The following TRO variants were observed in gnomAD, a reference collection of about 807,000 sequenced individuals.
TRO encodes the protein trophinin.
Under a neutral mutation model 42.3 loss-of-function variants are expected in TRO, and 29 were observed. The ratio of observed to expected loss-of-function variants is 0.68; its 90% CI spans 0.51 to 0.93. The LOEUF is 0.93. Among genes scored for constraint, TRO ranks in the 40% least tolerant of loss-of-function variants. The pLI, the probability that TRO is intolerant of heterozygous loss-of-function variation, is 0.00. For missense variants in TRO, 963 were observed against 1,127.7 expected (o/e 0.85, Z 2.09); for synonymous variants, 384 against 425.2 (o/e 0.90, Z 1.19).
In TRO at chrX:54,923,347, C is replaced by T; in HGVS notation, c.815C>T (p.Thr272Ile). 1.7e-6 allele frequency: 2 copies of T among 1,209,420 alleles called. No homozygotes were observed. The highest frequency in any genetic ancestry group is 2.2e-6 in the Non-Finnish European group (2 of 894,261). ...ATTGCTAAGGTCATAAATACTGACA[C>T]TGAGCATATAGAGGCTCTAAATGTC... ...KTIAKVINTD[T>I]EHIEALNVTD... The change falls in exon 3 of 13, where the codon ACT becomes ATT. Residue 272 changes from threonine (T) to isoleucine (I), a missense_variant. Around this residue, in one of 2 missense-constraint regions of TRO, gnomAD observed 322 missense variants for 316.5 expected, o/e 1.02. Transcript: ENST00000173898.
rs1458219361 is a variant in TRO at position 54,924,723 on chromosome X, C to T, written c.1395C>T (p.Ile465=). The T allele has an allele frequency of 8.3e-7, 1 of 1,209,878 alleles. No homozygotes were observed. Among genetic ancestry groups the T allele is most frequent in the Non-Finnish European group, 1.1e-6 (1 of 894,850 alleles). ...TTAAGGACCAGACAAAGATCCCCAT[C>T]AAACGCTCAGGTAGTGTCCTACCAA... The part of the protein sequence containing the change: ...LLVKDQTKIP[I]KRSDMLRDVI... Residue 465 remains isoleucine, a synonymous_variant, in exon 5 of 13, where the codon ATC becomes ATT. Transcript: ENST00000173898.
chrX:54,921,943 ATGGGGGG>A (rs1932118027), intron 1 of TRO: 2 of 222,443 alleles, frequency 9.0e-6, no homozygotes, highest in Non-Finnish European at 1.5e-5. Context: ...TGGGCCTAAG[ATGGGGGG>A]TGGGGGCGCC....
In TRO at chrX:54,929,510, T is replaced by G. The variant is rs1932918972; in HGVS notation, c.2786T>G (p.Phe929Cys). Residue 929 changes from phenylalanine (F) to cysteine (C), a missense_variant, in exon 12 of 13, where the codon TTT becomes TGT. Physicochemically the swap from Phe to Cys is radical, Grantham distance 205. Around this residue, in one of 2 missense-constraint regions of TRO, gnomAD observed 641 missense variants for 811.3 expected, o/e 0.79. Coordinates refer to ENST00000173898, the MANE Select transcript of TRO (RefSeq NM_001039705.3). ...GGCTCTCCCTGCACCAGCACTGGCTTTGGAGGCACACTTAGCACCAGTGTC... is the reference window on the plus strand; with the variant it reads ...GGCTCTCCCTGCACCAGCACTGGCTGTGGAGGCACACTTAGCACCAGTGTC... ...FGGSPCTSTG[F>C]GGTLSTSVSF... 8.3e-7 allele frequency: 1 copy of G among 1,210,685 alleles called. No individual in the cohort carries two copies. Among genetic ancestry groups the G allele is most frequent in the African/African-American group, 1.7e-5 (1 of 57,339 alleles).
At chrX:54,931,135 G>A (rs1938492332) in intron 12 of TRO, 69 bp from the exon 13 acceptor site, 2 of 1,196,601 alleles carry the variant, frequency 1.7e-6, no homozygotes, top group Non-Finnish European at 2.3e-6. Context: ...AAAGGTGAGG[G>A]CAATTAAGGA....
In TRO at chrX:54,922,719, G is replaced by A; in HGVS notation, c.187G>A (p.Val63Ile). ...CTCCCTGGCCATGGACCCACCAGTT[G>A]TCAACCGGCCTAAGAAAAGCAAGAC... ...KDSLAMDPPVVNRPKKSKTKK... is the reference protein window; with the variant it reads ...KDSLAMDPPVINRPKKSKTKK... Residue 63 changes from valine to isoleucine, a missense_variant, in exon 3 of 13, where the codon GTC becomes ATC. Val to Ile is a conservative substitution (Grantham distance 29). Transcript: ENST00000173898. 8.3e-7 allele frequency: 1 copy of A among 1,209,823 alleles called. No individual in the cohort carries two copies. The highest frequency in any genetic ancestry group is 1.1e-6 in the Non-Finnish European group (1 of 894,438).
At chrX:54,921,964 AGTC>A (rs1250906597) in intron 1 of TRO, 4 of 270,581 alleles carry the variant, frequency 1.5e-5, no homozygotes, top group African/African-American at 9.6e-5. Flanking sequence ...GGGCGCCTCT[AGTC>A]GGTGCGCATG....
Position 54,930,527 on chromosome X carries a change from G to A in TRO, c.3803G>A (p.Gly1268Asp), listed in dbSNP as rs775335324. Residue 1268 changes from glycine to aspartate, a missense_variant, in exon 12 of 13, where the codon GGC (glycine) becomes GAC (aspartate). Transcript: ENST00000173898. ...GFGGGLGTSA[G>D]FSGGLGTSAG... ...GGTGGTGGACTGGGCACCAGTGCTGGCTTCAGTGGCGGACTGGGCACCAGT... is the reference window on the plus strand; with the variant it reads ...GGTGGTGGACTGGGCACCAGTGCTGACTTCAGTGGCGGACTGGGCACCAGT... The A allele has an allele frequency of 2.5e-6, 3 of 1,210,450 alleles. No homozygotes were observed. The highest frequency in any genetic ancestry group is 1.7e-5 in the African/African-American group (1 of 57,328).
chrX:54,929,307 T>C lies in TRO; in HGVS notation c.2583T>C (p.Gly861=). 1 of 1,211,477 alleles carries C rather than the reference T, an allele frequency of 8.3e-7. No homozygotes were observed. Among genetic ancestry groups the C allele is most frequent in the Non-Finnish European group, 1.1e-6 (1 of 895,328 alleles). Residue 861 remains glycine, a synonymous_variant, in exon 12 of 13, where the codon GGT becomes GGC. Transcript: ENST00000173898. ...TCAGCACCACGGCTGGCTTTAGTGG[T>C]GTACTCAGCACTAGCACCAGCTTTG... ...GTLSTTAGFS[G]VLSTSTSFGS... is the part of the protein sequence containing the mutation.
chrX:54,931,382 G>A lies in TRO; in HGVS notation c.*190G>A. ...GTTCCTGCTTTATTGTTTGCTTTCTGTGTGCTGTCATATTTTGGTATCAGA... is the reference window on the plus strand; with the variant it reads ...GTTCCTGCTTTATTGTTTGCTTTCTATGTGCTGTCATATTTTGGTATCAGA... On this transcript the variant is annotated 3_prime_UTR_variant, in exon 13 of 13. Coordinates refer to ENST00000173898, the MANE Select transcript of TRO (RefSeq NM_001039705.3). 3 of 1,170,373 alleles carry A rather than the reference G, an allele frequency of 2.6e-6. No homozygotes were observed. The highest frequency in any genetic ancestry group is 3.5e-6 in the Non-Finnish European group (3 of 861,141).
chrX:54,924,589 C>A, intron 4 of TRO, 34 bp downstream of exon 4: 2 of 1,198,344 alleles, frequency 1.7e-6, no homozygotes, highest in Non-Finnish European at 2.3e-6. Context: ...CTCTTCTCTT[C>A]TTCACTTGCC....
At position 54,925,625 on chromosome X, in the gene TRO, C is replaced by G; in HGVS notation, c.1519C>G (p.Gln507Glu). 4 of 1,210,645 alleles carry G rather than the reference C, an allele frequency of 3.3e-6. No individual in the cohort carries two copies. The Middle Eastern group carries it at 6.9e-4, about 209-fold the overall frequency. ...FRVNLKEIDKQSSLYILISTQ... is the reference protein window; with the variant it reads ...FRVNLKEIDKESSLYILISTQ... ...AGTCAATCTGAAAGAAATTGATAAGCAAAGTAGCTTGTATATTCTCATCAG... is the reference window on the plus strand; with the variant it reads ...AGTCAATCTGAAAGAAATTGATAAGGAAAGTAGCTTGTATATTCTCATCAG... Residue 507 changes from glutamine (Q) to glutamate (E), a missense_variant, in exon 7 of 13, where the codon CAA becomes GAA. Physicochemically the swap from Gln to Glu is conservative, Grantham distance 29. Around this residue, in one of 2 missense-constraint regions of TRO, gnomAD observed 641 missense variants for 811.3 expected, o/e 0.79. Coordinates refer to ENST00000173898, the MANE Select transcript of TRO (RefSeq NM_001039705.3).
chrX:54,929,123 G>A lies in TRO; in HGVS notation c.2399G>A (p.Ser800Asn), dbSNP rs1309197634. Reference protein sequence around the residue: ...AASISFGCAHSTSTSFSSEAS... With the variant: ...AASISFGCAHNTSTSFSSEAS... ...AGCATTAGCTTTGGTTGTGCACACA[G>A]CACCAGCACTAGTTTCAGCAGTGAA... The change falls in exon 12 of 13, where the codon AGC becomes AAC. Residue 800 changes from serine (S) to asparagine (N), a missense_variant. Coordinates refer to ENST00000173898, the MANE Select transcript of TRO (RefSeq NM_001039705.3). 17 of 1,212,450 alleles carry A rather than the reference G, an allele frequency of 1.4e-5. No homozygotes were observed. The highest frequency in any genetic ancestry group is 1.7e-5 in the African/African-American group (1 of 58,007).
rs773801398 is a variant in TRO, at chrX:54,929,374, A to G, written c.2650A>G (p.Ser884Gly). Residue 884 changes from serine to glycine, a missense_variant, in exon 12 of 13, where the codon AGC (serine) becomes GGC (glycine). Ser to Gly is a moderately conservative substitution (Grantham distance 56). Around this residue, in one of 2 missense-constraint regions of TRO, gnomAD observed 641 missense variants for 811.3 expected, o/e 0.79. Coordinates refer to ENST00000173898, the MANE Select transcript of TRO (RefSeq NM_001039705.3). ...TTSTVFSSALSTSTGFGGILS... is the reference protein window; with the variant it reads ...TTSTVFSSALGTSTGFGGILS... Reference sequence around the variant, plus strand: ...GAGCACAGTCTTCAGTAGTGCGCTTAGCACCAGCACTGGCTTTGGAGGCAT... The same window carrying G: ...GAGCACAGTCTTCAGTAGTGCGCTTGGCACCAGCACTGGCTTTGGAGGCAT... The G allele has an allele frequency of 9.1e-6, 11 of 1,210,979 alleles. No individual in the cohort carries two copies. In the South Asian group the frequency reaches 1.1e-4, roughly 12 times the overall value.
At chrX:54,926,955 A>G (rs1352824777) in intron 9 of TRO, 88 bp from the exon 10 acceptor site, 1 of 1,047,390 alleles carries the variant, frequency 9.5e-7, no homozygotes, top group South Asian at 2.0e-5. Flanking sequence ...CCCATGTGCT[A>G]GAGAGGTCTC....
In TRO at chrX:54,925,560, G is replaced by A. The variant is rs1315630388; in HGVS notation, c.1486-32G>A. On this transcript the variant is annotated intron_variant, in intron 6 of 12. Coordinates refer to ENST00000173898, the MANE Select transcript of TRO (RefSeq NM_001039705.3). ...TTCACTGATACCTAAGCTGAATTTT[G>A]TGATCTCACAGGCTATTCTTTTACT... The A allele has an allele frequency of 3.4e-6, 4 of 1,172,681 alleles. No individual in the cohort carries two copies. In the Admixed American group the frequency reaches 6.7e-5, roughly 20 times the overall value.
chrX:54,924,418 G>T, intron 3 of TRO, 33 bp from the exon 4 acceptor site: 1 of 1,146,459 alleles, frequency 8.7e-7, no homozygotes, highest in Non-Finnish European at 1.2e-6. Context: ...TTCACCTGGT[G>T]ACTCTGGACC....
In TRO at chrX:54,923,251, A is replaced by T. The variant is rs752425688; in HGVS notation, c.719A>T (p.Asn240Ile). 1 of 1,211,555 alleles carries T rather than the reference A, an allele frequency of 8.3e-7. No homozygotes were observed. The highest frequency in any genetic ancestry group is 1.8e-5 in the South Asian group (1 of 56,909). The stretch of plus-strand genomic sequence containing the variant: ...GCTACCACCCAAGGCCAAATTACCA[A>T]TGAGACAGCCAGTATCCACACCACA... ...HTATTQGQIT[N>I]ETASIHTTAA... Residue 240 changes from asparagine to isoleucine, a missense_variant, in exon 3 of 13, where the codon AAT (asparagine) becomes ATT (isoleucine). Coordinates refer to ENST00000173898, the MANE Select transcript of TRO (RefSeq NM_001039705.3).
At position 54,923,586 on chromosome X, in the gene TRO, G is replaced by A. The variant is rs752513134; in HGVS notation, c.1054G>A (p.Ala352Thr). 49 of 1,200,822 alleles carry A rather than the reference G, an allele frequency of 4.1e-5. No homozygotes were observed. The highest frequency in any genetic ancestry group is 5.5e-5 in the Non-Finnish European group (49 of 889,848). The change falls in exon 3 of 13, where the codon GCA becomes ACA. Residue 352 changes from alanine to threonine, a missense_variant. By Grantham distance (58) the Ala-to-Thr change is moderately conservative (BLOSUM62 0). Coordinates refer to ENST00000173898, the MANE Select transcript of TRO (RefSeq NM_001039705.3). ...TCGGAAGGCTGCCACTAAGGCTCGG[G>A]CAACTGAAAGCCAGACTCCAAATGC... is the stretch of plus-strand genomic sequence containing the variant. ...RARKAATKARATESQTPNADQ... is the reference protein window; with the variant it reads ...RARKAATKARTTESQTPNADQ...
chrX:54,929,849 C>G lies in TRO; in HGVS notation c.3125C>G (p.Thr1042Arg). ...AGCACCAACACTGACTTTGGTGGTA[C>G]ACTAAGCACCAGCGTCTGTTTTGGT... Reference protein sequence around the residue: ...AVSTNTDFGGTLSTSVCFGGS... With the variant: ...AVSTNTDFGGRLSTSVCFGGS... Residue 1042 changes from threonine to arginine, a missense_variant, in exon 12 of 13, where the codon ACA becomes AGA. Physicochemically the swap from Thr to Arg is moderately conservative, Grantham distance 71 (BLOSUM62 -1). This residue lies in a region of TRO where 641 missense variants were observed against 811.3 expected (regional missense o/e 0.79). Transcript: ENST00000173898. The G allele has an allele frequency of 8.3e-7, 1 of 1,210,312 alleles. No homozygotes were observed. Among genetic ancestry groups the G allele is most frequent in the Non-Finnish European group, 1.1e-6 (1 of 894,888 alleles).
Sources: gnomAD v4.1 joint callset for allele counts on GRCh38, gnomAD v4.1.1 for gene constraint, gnomAD v4.1.1 regional missense constraint, MANE v1.5 for transcripts, NCBI Gene and HGNC (gene_info 2026-07-23, HGNC 2026-07-21) for gene names.